NEBL: variants seen among roughly 807,000 people sequenced by gnomAD.
The protein encoded by NEBL is nebulette, also known as LIM and SH3 protein 2.
In NEBL, 122 loss-of-function variants were observed where a neutral mutation model predicts 140.2. The observed-to-expected ratio is 0.87, with a 90% CI of 0.75 to 1.01. NEBL has a LOEUF of 1.01. Ranked by LOEUF, NEBL falls within the 50% of genes least tolerant of loss-of-function variation. The pLI is 0.00. For missense variants in NEBL, 1,365 were observed against 1,231.3 expected (o/e 1.11, Z -1.62); for synonymous variants, 436 against 398.9 (o/e 1.09, Z -1.11).
chr10:21,189,683 G>A lies in NEBL; in HGVS notation n.349-17206C>T, dbSNP rs566077665. 2.0e-5 allele frequency among the ~76,000 whole-genome samples: 3 copies of A among 152,004 alleles called. No homozygotes were observed. In the South Asian group the frequency reaches 6.2e-4, roughly 32 times the overall value. ...GGGGTCTCACTGTGTTAGCCAGGAT[G>A]GTCTTGATCTCCTGACCTCGTGATC... On this transcript the variant is annotated intron_variant and non_coding_transcript_variant, in intron 3 of 8. Transcript: ENST00000675702.
intron 3 of NEBL, among the ~76,000 whole-genome samples, chr10:20,991,292 C>A (rs1837444837): frequency 6.6e-6 from 1 of 151,608 alleles, no homozygotes; most frequent in Non-Finnish European, 1.5e-5. Context: ...AGCTTGATGA[C>A]AAAAAATGTT....
At chr10:20,938,702 C>T (rs1384357046) in intron 4 of NEBL, among the ~76,000 whole-genome samples, 6 of 152,056 alleles carry the variant, frequency 3.9e-5, no homozygotes, top group East Asian at 1.9e-4. Context: ...AAAAATTAGA[C>T]GAATGGCTAA....
intron 2 of NEBL, among the ~76,000 whole-genome samples, chr10:21,139,212 C>A (rs1179357762): frequency 6.6e-6 from 1 of 152,018 alleles, no homozygotes; most frequent in East Asian, 1.9e-4. Context: ...AGCTCTAAAG[C>A]CTATAATTCA....
chr10:21,261,658 G>A (rs925763979), intron 1 of NEBL, among the ~76,000 whole-genome samples: 29 of 150,688 alleles, frequency 1.9e-4, no homozygotes, highest in Admixed American at 1.9e-3. Flanking sequence ...AAAAAAAAAA[G>A]AAAGAAAGAA....
At chr10:21,196,945 A>G (rs1338341184) in intron 3 of NEBL, among the ~76,000 whole-genome samples, 2 of 152,070 alleles carry the variant, frequency 1.3e-5, no homozygotes, top group African/African-American at 2.4e-5. Flanking sequence ...GCATGACAGC[A>G]TTTTTCATGA....
chr10:20,876,154 T>C (rs1174157527), intron 5 of NEBL, among the ~76,000 whole-genome samples: 1 of 152,254 alleles, frequency 6.6e-6, no homozygotes, highest in African/African-American at 2.4e-5. Context: ...TAAAAGTAGG[T>C]TCTGATACTA....
At chr10:20,862,352 C>G (rs541070735) in intron 7 of NEBL, among the ~76,000 whole-genome samples, 1 of 152,128 alleles carries the variant, frequency 6.6e-6, no homozygotes, top group Non-Finnish European at 1.5e-5. Context: ...CATTAATGAA[C>G]CACAATAGTA....
chr10:21,187,382 T>C (rs1313088575), intron 3 of NEBL, among the ~76,000 whole-genome samples: 1 of 152,156 alleles, frequency 6.6e-6, no homozygotes, highest in Non-Finnish European at 1.5e-5. Context: ...AATTGGGTAT[T>C]TCTCTTTCCC....
At chr10:21,222,284 CAAA>C (rs71509092) in intron 3 of NEBL, among the ~76,000 whole-genome samples, 1 of 120,104 alleles carries the variant, frequency 8.3e-6, no homozygotes. Flanking sequence ...CTGTCTCTAC[CAAA>C]AAAAAAAAAA....
chr10:20,933,126 T>C (rs1172358494), intron 4 of NEBL, among the ~76,000 whole-genome samples: 1 of 152,164 alleles, frequency 6.6e-6, no homozygotes, highest in Non-Finnish European at 1.5e-5. Context: ...TGCCATTCTG[T>C]GGGCATGAAC....
chr10:20,828,757 T>TAC, intron 16 of NEBL, 123 bp from the exon 17 acceptor site: 2 of 673,874 alleles, frequency 3.0e-6, no homozygotes, highest in Non-Finnish European at 5.3e-6. Flanking sequence ...TTTACTGACT[T>TAC]ACACTCCCAG....
At chr10:20,865,881 T>C (rs1844229621) in intron 7 of NEBL, among the ~76,000 whole-genome samples, 1 of 152,160 alleles carries the variant, frequency 6.6e-6, no homozygotes, top group South Asian at 2.1e-4. Context: ...TCATTTTCAT[T>C]CCTACTGTCA....
At chr10:21,149,877 G>A (rs945080598) in intron 2 of NEBL, among the ~76,000 whole-genome samples, 7 of 152,312 alleles carry the variant, frequency 4.6e-5, no homozygotes, top group Non-Finnish European at 1.5e-5. Context: ...GTCCACTGCA[G>A]AACTGATCAC....
In NEBL at chr10:21,110,191, G is replaced by C. The variant is rs143024608; in HGVS notation, c.164+62192C>G. 1.4e-4 allele frequency among the ~76,000 whole-genome samples: 22 copies of C among 152,184 alleles called. No individual in the cohort carries two copies. The East Asian group carries it at 3.3e-3, about 23-fold the overall frequency. ...AGCTTTGAGAATCAAGGTCATGCTGGCCTTGTGCCCACTTCTATTTACTGA... is the reference window on the plus strand; with the variant it reads ...AGCTTTGAGAATCAAGGTCATGCTGCCCTTGTGCCCACTTCTATTTACTGA... On this transcript the variant is annotated intron_variant, in intron 2 of 6. Transcript: ENST00000417816.
chr10:20,876,772 T>G lies in NEBL; in HGVS notation c.480+4022A>C, dbSNP rs569163648. On this transcript the variant is annotated intron_variant, in intron 5 of 27. Transcript: ENST00000377122. ...TTGACTTATTTCAGAACTATTGGACTTCATGTCTCTCATAAGACTGATGAG... is the reference window on the plus strand; with the variant it reads ...TTGACTTATTTCAGAACTATTGGACGTCATGTCTCTCATAAGACTGATGAG... 1.0e-3 allele frequency among the ~76,000 whole-genome samples: 152 copies of G among 152,310 alleles called. 1 individual carries two copies. Among genetic ancestry groups the G allele is most frequent in the African/African-American group, 3.4e-3 (141 of 41,586 alleles).
At chr10:20,856,205 T>C (rs960196697) in intron 9 of NEBL, among the ~76,000 whole-genome samples, 3 of 152,232 alleles carry the variant, frequency 2.0e-5, no homozygotes, top group African/African-American at 4.8e-5. Flanking sequence ...AAACTTTATA[T>C]ATGATACATG....
chr10:20,878,553 C>G (rs1449747088), intron 5 of NEBL, among the ~76,000 whole-genome samples: 1 of 152,166 alleles, frequency 6.6e-6, no homozygotes, highest in East Asian at 1.9e-4. Flanking sequence ...AAGAGATGTA[C>G]TTTCAAGACC....
chr10:21,206,968 C>CTTTTTTTTTTTTTTTTT (rs1028716031), intron 3 of NEBL, among the ~76,000 whole-genome samples: 5 of 99,136 alleles, frequency 5.0e-5, no homozygotes, highest in Non-Finnish European at 8.1e-5. Context: ...CTTTTTCTTT[C>CTTTTTTTTTTTTTTTTT]TTTTTTTTTT....
intron 3 of NEBL, among the ~76,000 whole-genome samples, chr10:20,992,041 T>C (rs1837476829): frequency 1.3e-5 from 2 of 152,192 alleles, no homozygotes; most frequent in Non-Finnish European, 2.9e-5. Flanking sequence ...GCTGATTCCA[T>C]GTCTTTGCCA....
Sources: gnomAD v4.1 joint callset for allele counts (sites outside exome capture counted in the v4.1 genomes callset) on GRCh38, gnomAD v4.1.1 for gene constraint, MANE v1.5 for transcripts, NCBI Gene and HGNC (gene_info 2026-07-23, HGNC 2026-07-21) for gene names.